PBX3: variants seen among roughly 807,000 people sequenced by gnomAD.
PBX3 encodes pre-B-cell leukemia transcription factor 3.
PBX3 carries 14 observed loss-of-function variants against 48.5 expected under a neutral mutation model. The observed-to-expected ratio is 0.29, with a 90% CI of 0.19 to 0.45. PBX3 has a LOEUF of 0.45. Among genes scored for constraint, PBX3 ranks in the 20% least tolerant of loss-of-function variants. The pLI is 1.00. For synonymous variants in PBX3, 210 were observed against 200.3 expected, an observed-to-expected ratio of 1.05 and a Z score of -0.41; for missense variants, 386 against 546.7, an observed-to-expected ratio of 0.71 and a Z score of 2.93.
At chr9:125,896,250 G>A (rs968409204) in intron 2 of PBX3, among the ~76,000 whole-genome samples, 1 of 151,914 alleles carries the variant, frequency 6.6e-6, no homozygotes, top group Non-Finnish European at 1.5e-5. Flanking sequence ...TGTGCCTTAT[G>A]TACCTATTTC....
At chr9:125,783,707 C>T (rs1218488767) in intron 2 of PBX3, among the ~76,000 whole-genome samples, 1 of 152,094 alleles carries the variant, frequency 6.6e-6, no homozygotes, top group Non-Finnish European at 1.5e-5. Context: ...ATATTCACAA[C>T]TTATTTTGGG....
In PBX3 at chr9:125,773,501, C is replaced by T. The variant is rs146553599; in HGVS notation, c.274+24878C>T. On this transcript the variant is annotated intron_variant, in intron 2 of 8. Transcript: ENST00000373489. ...AATTACATATTTAATTTTCTGTTGCCTCCAGGAAATTGTGAACTCAGGGCA... is the reference window on the plus strand; with the variant it reads ...AATTACATATTTAATTTTCTGTTGCTTCCAGGAAATTGTGAACTCAGGGCA... 8.3e-3 allele frequency among the ~76,000 whole-genome samples: 1,270 copies of T among 152,242 alleles called. 14 individuals carry two copies. The highest frequency in any genetic ancestry group is 0.012 in the Admixed American group (185 of 15,288).
Position 125,967,235 on chromosome 9 carries a change from A to G in PBX3, c.*1312A>G, listed in dbSNP as rs186955350. On this transcript the variant is annotated 3_prime_UTR_variant, in exon 9 of 9. Coordinates refer to ENST00000373489, the MANE Select transcript of PBX3 (RefSeq NM_006195.6). ...TTCTGAAACTGATTGAGTCATGAAA[A>G]TAATTTGTGGCGGTGATTCTAATGT... The G allele has an allele frequency of 1.3e-5, 2 of 152,724 alleles. No individual in the cohort carries two copies. The highest frequency in any genetic ancestry group is 2.9e-5 in the Non-Finnish European group (2 of 68,028). 9.5% of individuals were successfully genotyped at this position (152,724 alleles called of 1,614,324 possible).
At chr9:125,748,119 C>T in intron 1 of PBX3, 1 of 508,288 alleles carries the variant, frequency 2.0e-6, no homozygotes, top group Non-Finnish European at 2.5e-6. Flanking sequence ...GTGCGGACGG[C>T]CAAGTTCTCG....
chr9:125,859,227 A>T (rs534345202), intron 2 of PBX3, among the ~76,000 whole-genome samples: 1 of 152,258 alleles, frequency 6.6e-6, no homozygotes, highest in African/African-American at 2.4e-5. Flanking sequence ...GGACTTTTTT[A>T]ATTGATTTTG....
chr9:125,850,244 G>A (rs1024747937), intron 2 of PBX3, among the ~76,000 whole-genome samples: 3 of 151,886 alleles, frequency 2.0e-5, no homozygotes, highest in African/African-American at 4.8e-5. Context: ...CTATTTCCAC[G>A]AGAGTCTGCA....
At chr9:125,856,286 G>A (rs1024871994) in intron 2 of PBX3, among the ~76,000 whole-genome samples, 3 of 152,192 alleles carry the variant, frequency 2.0e-5, no homozygotes, top group African/African-American at 4.8e-5. Context: ...TATAGAGCTA[G>A]TGTTCTGAAC....
intron 2 of PBX3, among the ~76,000 whole-genome samples, chr9:125,843,265 T>C (rs1475031707): frequency 6.6e-6 from 1 of 152,160 alleles, no homozygotes; most frequent in African/African-American, 2.4e-5. Flanking sequence ...AAATTTTGTT[T>C]TTAAACTAAT....
At chr9:125,791,345 A>ATCTATCTC (rs781448108) in intron 2 of PBX3, among the ~76,000 whole-genome samples, 1 of 149,350 alleles carries the variant, frequency 6.7e-6, no homozygotes, top group East Asian at 2.0e-4. Context: ...CTATCTATCT[A>ATCTATCTC]TCTCTGTCAA....
intron 5 of PBX3, among the ~76,000 whole-genome samples, chr9:125,946,167 C>T (rs1293742904): frequency 6.6e-6 from 1 of 152,160 alleles, no homozygotes; most frequent in African/African-American, 2.4e-5. Context: ...GGAAGATCTG[C>T]TATTCTGCCT....
At chr9:125,815,233 C>T (rs1470509921) in intron 2 of PBX3, among the ~76,000 whole-genome samples, 1 of 152,256 alleles carries the variant, frequency 6.6e-6, no homozygotes, top group East Asian at 1.9e-4. Context: ...AAAGTACTCT[C>T]CTTGCACAGT....
chr9:125,833,485 T>A (rs1387373578), intron 2 of PBX3, among the ~76,000 whole-genome samples: 2 of 149,872 alleles, frequency 1.3e-5, no homozygotes, highest in African/African-American at 2.5e-5. Context: ...GGAGACGCTG[T>A]CTCAAAAAAA....
At chr9:125,940,672 T>C (rs552500793) in intron 5 of PBX3, among the ~76,000 whole-genome samples, 87 of 152,324 alleles carry the variant, frequency 5.7e-4, no homozygotes, top group Non-Finnish European at 1.1e-3. Context: ...ACAATGAGAA[T>C]GAATGAACTA....
chr9:125,788,750 T>C (rs116909368), intron 2 of PBX3, among the ~76,000 whole-genome samples: 3,056 of 152,158 alleles, frequency 0.02, 171 homozygotes, highest in East Asian at 0.17. Flanking sequence ...CAGCATGCGC[T>C]TGTACTCCCA....
intron 2 of PBX3, among the ~76,000 whole-genome samples, chr9:125,888,224 G>A (rs1830441124): frequency 6.6e-6 from 1 of 152,042 alleles, no homozygotes. Context: ...TGGTCTGACG[G>A]GCTGCTTCCT....
At chr9:125,965,762 G>T in intron 8 of PBX3, 69 bp from the exon 9 acceptor site, 1 of 1,128,786 alleles carries the variant, frequency 8.9e-7, no homozygotes, top group Non-Finnish European at 1.4e-6. Context: ...TTGTCATCCG[G>T]GTGTTTTAAA....
intron 2 of PBX3, among the ~76,000 whole-genome samples, chr9:125,779,350 G>A (rs1837173896): frequency 7.2e-6 from 1 of 138,646 alleles, no homozygotes; most frequent in Non-Finnish European, 1.5e-5. Flanking sequence ...AGGGAAGGTT[G>A]GCAGATAAAC....
At chr9:125,928,745 G>C (rs1460600259) in intron 3 of PBX3, among the ~76,000 whole-genome samples, 1 of 152,140 alleles carries the variant, frequency 6.6e-6, no homozygotes, top group African/African-American at 2.4e-5. Context: ...GATTACAGGC[G>C]TGAGCCACCG....
Position 125,951,879 on chromosome 9 carries a change from G to A in PBX3, c.844-8805G>A, listed in dbSNP as rs532085097. Among the ~76,000 whole-genome samples, 18 of 152,298 alleles carry A rather than the reference G, an allele frequency of 1.2e-4. No homozygotes were observed. The South Asian group carries it at 3.3e-3, about 28-fold the overall frequency. On this transcript the variant is annotated intron_variant, in intron 5 of 8. Transcript: ENST00000373489. ...TGTATCCAGCGTGCCCAGCCTTTCT[G>A]TCCTTATAGAAACTGTATCAAACCC...
Sources: gnomAD v4.1 joint callset for allele counts (sites outside exome capture counted in the v4.1 genomes callset) on GRCh38, gnomAD v4.1.1 for gene constraint, MANE v1.5 for transcripts, NCBI Gene and HGNC (gene_info 2026-07-23, HGNC 2026-07-21) for gene names.